Variants in CCNY observed in about 807,000 individuals in gnomAD.
CCNY encodes cyclin Y.
CCNY carries 19 observed loss-of-function variants against 42.8 expected under a neutral mutation model. The observed-to-expected ratio is 0.44, with a 90% CI of 0.31 to 0.65. CCNY has a LOEUF of 0.65. CCNY is among the 30% of genes least tolerant of loss of function. The pLI, the probability that CCNY is intolerant of heterozygous loss-of-function variation, is 0.07. For missense variants in CCNY, 370 were observed against 437.3 expected, an observed-to-expected ratio of 0.85 and a Z score of 1.37; for synonymous variants, 165 against 162.7, an observed-to-expected ratio of 1.01 and a Z score of -0.11.
intron 4 of CCNY, among the ~76,000 whole-genome samples, chr10:35,525,596 A>G (rs2135418296): frequency 6.6e-6 from 1 of 152,212 alleles, no homozygotes; most frequent in East Asian, 1.9e-4. Flanking sequence ...TTAAACTAGT[A>G]GGTTATGAGT....
intron 7 of CCNY, among the ~76,000 whole-genome samples, chr10:35,548,054 T>C (rs1841154276): frequency 6.6e-6 from 1 of 152,116 alleles, no homozygotes; most frequent in Non-Finnish European, 1.5e-5. Flanking sequence ...ACTCCAGGGT[T>C]AGAGGCATGG....
At chr10:35,266,560 G>T (rs537859991) in intron 3 of CCNY, among the ~76,000 whole-genome samples, 6 of 151,992 alleles carry the variant, frequency 3.9e-5, no homozygotes, top group Non-Finnish European at 8.8e-5. Flanking sequence ...ATCCTCCTGT[G>T]CTGCAATGAA....
chr10:35,264,236 T>C (rs879710341), intron 3 of CCNY, among the ~76,000 whole-genome samples: 1 of 152,184 alleles, frequency 6.6e-6, no homozygotes, highest in Non-Finnish European at 1.5e-5. Flanking sequence ...TTCTTTCTTT[T>C]TTTTTATTTT....
intron 3 of CCNY, among the ~76,000 whole-genome samples, chr10:35,255,778 A>G (rs2095715063): frequency 6.6e-6 from 1 of 151,960 alleles, no homozygotes; most frequent in Non-Finnish European, 1.5e-5. Context: ...AAAATTTTGT[A>G]GAGATGGGAT....
At chr10:35,491,334 C>T (rs1331882528) in intron 2 of CCNY, among the ~76,000 whole-genome samples, 2 of 152,180 alleles carry the variant, frequency 1.3e-5, no homozygotes, top group Non-Finnish European at 2.9e-5. Context: ...AGGGTGAGTC[C>T]CAGGCACACA....
At chr10:35,461,148 T>C (rs1839149438) in intron 1 of CCNY, among the ~76,000 whole-genome samples, 1 of 152,168 alleles carries the variant, frequency 6.6e-6, no homozygotes. Context: ...ACACTTTCCA[T>C]ATCCTGTGCC....
At chr10:35,439,910 G>A (rs1838628632) in intron 1 of CCNY, among the ~76,000 whole-genome samples, 1 of 152,102 alleles carries the variant, frequency 6.6e-6, no homozygotes, top group African/African-American at 2.4e-5. Context: ...TAGTTGGTGG[G>A]AGTCTCACTT....
intron 3 of CCNY, among the ~76,000 whole-genome samples, chr10:35,318,088 C>T (rs1482520735): frequency 1.3e-5 from 2 of 151,876 alleles, no homozygotes; most frequent in Admixed American, 6.6e-5. Context: ...ATTGGCAGAG[C>T]GTGGTTGTGT....
chr10:35,379,419 T>G (rs1240633032), intron 1 of CCNY, among the ~76,000 whole-genome samples: 1 of 152,142 alleles, frequency 6.6e-6, no homozygotes, highest in Admixed American at 6.5e-5. Context: ...AAAACAGCAG[T>G]CAGATGTCAG....
intron 4 of CCNY, among the ~76,000 whole-genome samples, chr10:35,519,783 T>C (rs1283372894): frequency 1.5e-5 from 2 of 131,788 alleles, no homozygotes; most frequent in South Asian, 2.6e-4. Flanking sequence ...TTTCTTTTTT[T>C]TTTTTTTTTT....
intron 7 of CCNY, among the ~76,000 whole-genome samples, chr10:35,535,856 C>G (rs11010222): frequency 0.35 from 52,597 of 152,012 alleles, 9,349 homozygotes; most frequent in African/African-American, 0.42. Context: ...AGCATCCTCA[C>G]ATTTTAGTAT....
chr10:35,354,829 T>A (rs2135143991), intron 1 of CCNY, among the ~76,000 whole-genome samples: 1 of 151,724 alleles, frequency 6.6e-6, no homozygotes, highest in African/African-American at 2.4e-5. Context: ...CTGTAGGAAC[T>A]GAGGCAGCTT....
In CCNY at chr10:35,326,758, G is replaced by A. The variant is rs528347361; in HGVS notation, c.-9+76132G>A. ...TTAAAAATTGGCTGGATGTGGTGGT[G>A]CATACCGGTAGTCCCAGATACTAGA... On this transcript the variant is annotated intron_variant, in intron 3 of 11. Transcript: ENST00000374706. Among the ~76,000 whole-genome samples the A allele has an allele frequency of 2.6e-5, 4 of 152,244 alleles. No individual in the cohort carries two copies. The East Asian group carries it at 7.7e-4, about 29-fold the overall frequency.
At chr10:35,399,315 C>G (rs111897054) in intron 1 of CCNY, among the ~76,000 whole-genome samples, 1 of 151,778 alleles carries the variant, frequency 6.6e-6, no homozygotes, top group African/African-American at 2.4e-5. Flanking sequence ...GGCTTGACTG[C>G]CCAGGATGCT....
chr10:35,501,678 T>A, intron 3 of CCNY, 143 bp downstream of exon 3: 1 of 729,946 alleles, frequency 1.4e-6, no homozygotes, highest in Non-Finnish European at 2.4e-6. Context: ...CTTAGTTTGG[T>A]TTGTAATTGG....
At chr10:35,317,177 G>C (rs1170736065) in intron 3 of CCNY, among the ~76,000 whole-genome samples, 1 of 152,042 alleles carries the variant, frequency 6.6e-6, no homozygotes. Flanking sequence ...TTTTTATAGA[G>C]ATAGGGTCTC....
chr10:35,452,814 T>C (rs1394677868), intron 1 of CCNY, among the ~76,000 whole-genome samples: 1 of 151,404 alleles, frequency 6.6e-6, no homozygotes, highest in Admixed American at 6.6e-5. Context: ...ATTGTGCTTG[T>C]CTCCTACAAA....
intron 3 of CCNY, among the ~76,000 whole-genome samples, chr10:35,284,075 C>A (rs1589016297): frequency 6.6e-6 from 1 of 152,062 alleles, no homozygotes; most frequent in South Asian, 2.1e-4. Flanking sequence ...CAGAATGAGA[C>A]TGTCTCAAAT....
chr10:35,330,524 T>A (rs1469511594), intron 3 of CCNY, among the ~76,000 whole-genome samples: 12 of 152,220 alleles, frequency 7.9e-5, no homozygotes, highest in Non-Finnish European at 1.8e-4. Context: ...TATCAATGAA[T>A]AATACCAATT....
Sources: gnomAD v4.1 joint callset for allele counts (sites outside exome capture counted in the v4.1 genomes callset) on GRCh38, gnomAD v4.1.1 for gene constraint, MANE v1.5 for transcripts, NCBI Gene and HGNC (gene_info 2026-07-23, HGNC 2026-07-21) for gene names.